DNMT3A: variants seen among roughly 807,000 people sequenced by gnomAD.
DNMT3A encodes DNA (cytosine-5)-methyltransferase 3A.
DNMT3A carries 267 observed loss-of-function variants against 117.6 expected under a neutral mutation model. That is an observed-to-expected ratio of 2.27 (90% CI 2.05 to 2.51). The LOEUF (loss-of-function observed/expected upper bound fraction) is 2.51. Ranked by LOEUF, DNMT3A falls within the 30% of genes most tolerant of loss-of-function variation. DNMT3A has a pLI of 0.00. For missense variants in DNMT3A, 1,029 were observed against 1,260.2 expected (o/e 0.82, Z 2.78); for synonymous variants, 432 against 474.8 (o/e 0.91, Z 1.17).
At position 25,293,675 on chromosome 2, in the gene DNMT3A, A is replaced by T. The variant is rs145819343; in HGVS notation, c.177+6464T>A. Among the ~76,000 whole-genome samples, 1,846 of 151,644 alleles carry T rather than the reference A, an allele frequency of 0.012. 29 individuals carry two copies. The highest frequency in any genetic ancestry group is 0.04 in the African/African-American group (1,654 of 41,330). On this transcript the variant is annotated intron_variant, in intron 3 of 22. Coordinates refer to ENST00000321117, the MANE Select transcript of DNMT3A (RefSeq NM_022552.5). The surrounding 1 kb of genome is among the most constrained non-coding windows in gnomAD (Gnocchi z 4.7). ...CTACTATTTATTATATATATATATAAAAATTTATTTTTTTGAGACAGAGTC... is the reference window on the plus strand; with the variant it reads ...CTACTATTTATTATATATATATATATAAATTTATTTTTTTGAGACAGAGTC...
chr2:25,234,707 C>A lies in DNMT3A; in HGVS notation c.2598-287G>T, dbSNP rs995144111. Among the ~76,000 whole-genome samples, 1 of 152,170 alleles carries A rather than the reference C, an allele frequency of 6.6e-6. No homozygotes were observed. The highest frequency in any genetic ancestry group is 2.4e-5 in the African/African-American group (1 of 41,432). ...CACTGCCTAGAGTTTCACAACCCAG[C>A]AGAAATAAGAGTAATTTTGAACAAT... On this transcript the variant is annotated intron_variant, in intron 22 of 22. Transcript: ENST00000321117. The surrounding 1 kb of genome is among the most constrained non-coding windows in gnomAD (Gnocchi z 4.5).
At position 25,327,187 on chromosome 2, in the gene DNMT3A, A is replaced by T. The variant is rs186567704; in HGVS notation, c.-177-13026T>A. On this transcript the variant is annotated intron_variant, in intron 1 of 22. Coordinates refer to ENST00000321117, the MANE Select transcript of DNMT3A (RefSeq NM_022552.5). The surrounding 1 kb of genome is among the most constrained non-coding windows in gnomAD (Gnocchi z 4.1). ...TTCTTTGGAGTTATTTTTACTTCTT[A>T]CTAGCCAATTCCTCATTATTCCAAT... 1.5e-3 allele frequency among the ~76,000 whole-genome samples: 231 copies of T among 152,286 alleles called. No individual in the cohort carries two copies. The highest frequency in any genetic ancestry group is 5.5e-3 in the African/African-American group (228 of 41,546).
At chr2:25,341,481 C>A (rs896304114) in intron 1 of DNMT3A, among the ~76,000 whole-genome samples, 2 of 143,686 alleles carry the variant, frequency 1.4e-5, no homozygotes, top group South Asian at 4.4e-4. Flanking sequence ...CGCAGGCCGG[C>A]GGTGGAGGGG....
chr2:25,265,397 C>T (rs2030230261), intron 6 of DNMT3A, among the ~76,000 whole-genome samples: 1 of 152,204 alleles, frequency 6.6e-6, no homozygotes, highest in Non-Finnish European at 1.5e-5. Flanking sequence ...CATTTGGGTA[C>T]ACAACAGAAG....
chr2:25,280,242 A>G (rs2031779244), intron 4 of DNMT3A, among the ~76,000 whole-genome samples: 1 of 151,758 alleles, frequency 6.6e-6, no homozygotes, highest in South Asian at 2.1e-4. Flanking sequence ...GATCCAGATG[A>G]CATGAGCTTT....
chr2:25,238,853 A>G (rs1673650495), intron 20 of DNMT3A, among the ~76,000 whole-genome samples: 1 of 152,174 alleles, frequency 6.6e-6, no homozygotes, highest in Non-Finnish European at 1.5e-5. Context: ...CAGAAAACCA[A>G]CTACCTAACT....
rs1673869035 is a variant in DNMT3A at position 25,240,431 on chromosome 2, G to T, written c.2193C>A (p.Phe731Leu). Residue 731 changes from phenylalanine to leucine, a missense_variant, in exon 19 of 23, where the codon TTC becomes TTA. Phe to Leu is a conservative substitution (Grantham distance 22, BLOSUM62 0). Transcript: ENST00000321117. ...CATGCAGGAGGCGGTAGAACTCAAA[G>T]AAGAGCCGGCCAGTGCCCTCTGAGA... ...KGLYEGTGRL[F>L]FEFYRLLHDA... 1.2e-6 allele frequency: 2 copies of T among 1,610,662 alleles called. No individual in the cohort carries two copies. Among genetic ancestry groups the T allele is most frequent in the Non-Finnish European group, 1.7e-6 (2 of 1,178,232 alleles).
intron 3 of DNMT3A, among the ~76,000 whole-genome samples, chr2:25,292,941 G>T (rs933727600): frequency 6.6e-6 from 1 of 152,112 alleles, no homozygotes; most frequent in African/African-American, 2.4e-5. Flanking sequence ...AGGACCTGTG[G>T]GAATGAATGA....
At chr2:25,262,830 C>T (rs1401628551) in intron 6 of DNMT3A, among the ~76,000 whole-genome samples, 3 of 152,224 alleles carry the variant, frequency 2.0e-5, no homozygotes, top group Non-Finnish European at 4.4e-5. Flanking sequence ...CCCATCCTCC[C>T]TAACCCCTGC....
At chr2:25,255,368 TAGC>T (rs1420298814) in intron 6 of DNMT3A, among the ~76,000 whole-genome samples, 2 of 152,214 alleles carry the variant, frequency 1.3e-5, no homozygotes, top group East Asian at 1.9e-4. Context: ...CAAACTCAAA[TAGC>T]AGCACCATGT....
At chr2:25,276,920 C>T (rs764168240) in intron 4 of DNMT3A, among the ~76,000 whole-genome samples, 1 of 152,264 alleles carries the variant, frequency 6.6e-6, no homozygotes, top group Non-Finnish European at 1.5e-5. Flanking sequence ...GCCCGGGAGG[C>T]CACTCCCTTC....
intron 3 of DNMT3A, among the ~76,000 whole-genome samples, chr2:25,289,852 C>T (rs769855063): frequency 6.6e-6 from 1 of 152,256 alleles, no homozygotes; most frequent in Non-Finnish European, 1.5e-5. Flanking sequence ...CTCCTCTTCC[C>T]CCTTTGCCCA....
chr2:25,328,374 T>C (rs2034867549), intron 1 of DNMT3A, among the ~76,000 whole-genome samples: 1 of 152,008 alleles, frequency 6.6e-6, no homozygotes, highest in Non-Finnish European at 1.5e-5. Context: ...TGTCCCGGAA[T>C]GACACCCCTG....
At chr2:25,239,447 T>C (rs1171790367) in intron 19 of DNMT3A, 1 of 622,398 alleles carries the variant, frequency 1.6e-6, no homozygotes. Flanking sequence ...TCTGCGATGG[T>C]GGGTTGTCCT....
chr2:25,306,469 G>C lies in DNMT3A; in HGVS notation c.73-6226C>G, dbSNP rs561849708. Reference sequence around the variant, plus strand: ...CCTGAAAGGCCACTCTCCTGGAGGGGAGGGGCCGTGTCTCATTGGCGCCTC... The same window carrying C: ...CCTGAAAGGCCACTCTCCTGGAGGGCAGGGGCCGTGTCTCATTGGCGCCTC... On this transcript the variant is annotated intron_variant, in intron 2 of 22. Transcript: ENST00000321117. This position sits in a 1 kb window ranked among gnomAD's most constrained non-coding sequence, Gnocchi z 4.1. Among the ~76,000 whole-genome samples the C allele has an allele frequency of 3.1e-4, 47 of 152,332 alleles. No individual in the cohort carries two copies. The highest frequency in any genetic ancestry group is 9.8e-4 in the Admixed American group (15 of 15,302).
chr2:25,240,267 T>C, intron 19 of DNMT3A, 35 bp downstream of exon 19: 1 of 1,613,700 alleles, frequency 6.2e-7, no homozygotes, highest in Non-Finnish European at 8.5e-7. Flanking sequence ...TAGAAGCCAT[T>C]AGTGAGCTGG....
rs2033071068 is a variant in DNMT3A, at chr2:25,296,106, AG to A, written c.177+4032del. On this transcript the variant is annotated intron_variant, in intron 3 of 22. Coordinates refer to ENST00000321117, the MANE Select transcript of DNMT3A (RefSeq NM_022552.5). This position sits in a 1 kb window ranked among gnomAD's most constrained non-coding sequence, Gnocchi z 4.2. ...TAGTTATACTCAGTTCTGTACCGAC[AG>A]GTGACAACAAATGCTTCTCAAAGTG... Among the ~76,000 whole-genome samples, 4 of 152,274 alleles carry A rather than the reference AG, an allele frequency of 2.6e-5. No individual in the cohort carries two copies. The highest frequency in any genetic ancestry group is 2.6e-4 in the Admixed American group (4 of 15,290).
intron 2 of DNMT3A, among the ~76,000 whole-genome samples, chr2:25,301,842 G>T (rs2033537172): frequency 6.6e-6 from 1 of 152,118 alleles, no homozygotes; most frequent in Non-Finnish European, 1.5e-5. Context: ...GGTAGAAGAG[G>T]GTCCACAGCT....
intron 4 of DNMT3A, among the ~76,000 whole-genome samples, chr2:25,276,150 C>T (rs2031392282): frequency 6.6e-6 from 1 of 152,110 alleles, no homozygotes; most frequent in Admixed American, 6.5e-5. Context: ...ATGCTGGATG[C>T]GATTTCCAAG....
Sources: allele counts gnomAD v4.1 joint callset (sites outside exome capture counted in the v4.1 genomes callset), GRCh38; gene constraint gnomAD v4.1.1; non-coding constraint Gnocchi (gnomAD v3.1); transcripts MANE v1.5; gene names NCBI Gene and HGNC (gene_info 2026-07-23, HGNC 2026-07-21).